Variants in OTX1 observed in about 807,000 individuals in gnomAD.
OTX1 encodes orthodenticle homeobox 1, also known as homeobox protein OTX1.
Under a neutral mutation model 26.7 loss-of-function variants are expected in OTX1, and 7 were observed. That is an observed-to-expected ratio of 0.26 (90% CI 0.15 to 0.49). The LOEUF (loss-of-function observed/expected upper bound fraction) is 0.49. Ranked by LOEUF, OTX1 falls within the 20% of genes least tolerant of loss-of-function variation. OTX1 has a pLI of 0.98. For synonymous variants in OTX1, 216 were observed against 212.8 expected (o/e 1.01, Z -0.13); for missense variants, 414 against 483.8 (o/e 0.86, Z 1.35).
In OTX1 at chr2:63,055,749, G is replaced by A. The variant is rs981819867; in HGVS notation, c.498G>A (p.Ser166=). Residue 166 remains serine, a synonymous_variant, in exon 5 of 5, where the codon TCG becomes TCA. Coordinates refer to ENST00000282549, the MANE Select transcript of OTX1 (RefSeq NM_014562.4). This position sits in a 1 kb window ranked among gnomAD's most constrained non-coding sequence, Gnocchi z 5.2. ...GTGGGAACCCGGTGGCGGCCGCGTC[G>A]TCGCTGAGTACACCAGCTGCCTCAT... The part of the protein sequence containing the change: ...GLGGNPVAAA[S]SLSTPAASSI... 6 of 1,612,196 alleles carry A rather than the reference G, an allele frequency of 3.7e-6. No homozygotes were observed. Among genetic ancestry groups the A allele is most frequent in the Non-Finnish European group, 5.1e-6 (6 of 1,179,592 alleles).
chr2:63,057,783 C>T lies in OTX1; in HGVS notation c.*1467C>T, dbSNP rs1245392744. On this transcript the variant is annotated 3_prime_UTR_variant, in exon 5 of 5. Transcript: ENST00000282549. ...TGTTGAAATGTAAGGCAGTCCCCCT[C>T]CTCCTCTTTATCTACATTACTTCCC... 1.3e-5 allele frequency: 2 copies of T among 151,716 alleles called. No homozygotes were observed. The highest frequency in any genetic ancestry group is 2.4e-5 in the African/African-American group (1 of 41,374). 9.4% of individuals were successfully genotyped at this position (151,716 alleles called of 1,614,324 possible).
rs1016274282 is a variant in OTX1, at chr2:63,055,225, C to T, written c.250-276C>T. ...TCTGACTGGGCAGACTGAAATATTC[C>T]GCCCTAGGGCAGAGTTGCGGTAGGG... On this transcript the variant is annotated intron_variant, in intron 4 of 4. Transcript: ENST00000282549. The surrounding 1 kb of genome is among the most constrained non-coding windows in gnomAD (Gnocchi z 5.2). Among the ~76,000 whole-genome samples, 5 of 152,190 alleles carry T rather than the reference C, an allele frequency of 3.3e-5. No homozygotes were observed. Among genetic ancestry groups the T allele is most frequent in the Non-Finnish European group, 4.4e-5 (3 of 68,044 alleles).
rs543791299 is a variant in OTX1 at position 63,055,848 on chromosome 2, G to A, written c.597G>A (p.Ala199=). ...ASVSVPEPLA[A]PSNTSCMQRS... is the part of the protein sequence containing the mutation. ...TGTCGGTGCCGGAGCCATTGGCCGC[G>A]CCTAGCAACACCTCGTGTATGCAGC... The change falls in exon 5 of 5, where the codon GCG becomes GCA. Residue 199 remains alanine (A), a synonymous_variant. Transcript: ENST00000282549. The surrounding 1 kb of genome is among the most constrained non-coding windows in gnomAD (Gnocchi z 5.2). 3.1e-6 allele frequency: 5 copies of A among 1,612,144 alleles called. No homozygotes were observed. The African/African-American group carries it at 5.3e-5, about 17-fold the overall frequency.
At position 63,052,893 on chromosome 2, in the gene OTX1, A is replaced by T. The variant is rs536280280; in HGVS notation, c.-98A>T. ...GTGTCTTCATAGGCCAGGCCCCCAG[A>T]CGCATCAGACCCTGAAGGACTGCGT... On this transcript the variant is annotated 5_prime_UTR_variant, in exon 3 of 5. Coordinates refer to ENST00000282549, the MANE Select transcript of OTX1 (RefSeq NM_014562.4). 5.2e-5 allele frequency: 38 copies of T among 733,686 alleles called. No homozygotes were observed. Among genetic ancestry groups the T allele is most frequent in the Non-Finnish European group, 8.3e-5 (36 of 431,422 alleles). The allele number at this position is 733,686 out of a possible 1,614,324, so 45.4% of individuals were successfully genotyped here.
upstream of OTX1, chr2:63,050,731 C>T (rs934726527): frequency 1.3e-5 from 2 of 152,204 alleles, no homozygotes; most frequent in Non-Finnish European, 2.9e-5. Flanking sequence ...CATTGCCCGG[C>T]TCCCTGTCAC....
intron 4 of OTX1, among the ~76,000 whole-genome samples, chr2:63,054,430 C>G (rs1187416081): frequency 6.6e-6 from 1 of 152,246 alleles, no homozygotes; most frequent in Non-Finnish European, 1.5e-5. Flanking sequence ...AGGGCGCCTT[C>G]GGTGTCGGTA....
intron 3 of OTX1, 141 bp from the exon 4 acceptor site, chr2:63,053,906 C>T (rs1205585045): frequency 5.1e-6 from 5 of 988,678 alleles, no homozygotes; most frequent in Non-Finnish European, 5.8e-6. Context: ...GGCTCGGCCG[C>T]CCGAGGGAGT....
upstream of OTX1, among the ~76,000 whole-genome samples, chr2:63,049,810 G>C (rs923687297): frequency 6.6e-6 from 1 of 152,244 alleles, no homozygotes; most frequent in Non-Finnish European, 1.5e-5. The surrounding 1 kb of genome is among the most constrained non-coding windows in gnomAD (Gnocchi z 4.8). Flanking sequence ...CACCCAGGTA[G>C]ACGTGTTTGG....
chr2:63,055,610 G>T lies in OTX1; in HGVS notation c.359G>T (p.Gly120Val). 6.2e-7 allele frequency: 1 copy of T among 1,614,176 alleles called. No individual in the cohort carries two copies. Among genetic ancestry groups the T allele is most frequent in the Non-Finnish European group, 8.5e-7 (1 of 1,180,036 alleles). ...KKSSPVRESS[G>V]SESSGQFTPP... is the part of the protein sequence containing the mutation. ...TCCTCTCCAGTGCGGGAGAGCTCGG[G>T]CTCCGAAAGCAGTGGCCAATTCACG... The change falls in exon 5 of 5, where the codon GGC (glycine) becomes GTC (valine). Residue 120 changes from glycine (G) to valine (V), a missense_variant. Gly to Val is a moderately radical substitution (Grantham distance 109). Transcript: ENST00000282549. The surrounding 1 kb of genome is among the most constrained non-coding windows in gnomAD (Gnocchi z 5.2).
chr2:63,054,979 A>T (rs902526887), intron 4 of OTX1, among the ~76,000 whole-genome samples: 1 of 151,602 alleles, frequency 6.6e-6, no homozygotes, highest in Admixed American at 6.6e-5. Flanking sequence ...CCTTGCTCCT[A>T]CCCCCACCCA....
At position 63,054,008 on chromosome 2, in the gene OTX1, GCCA is replaced by G. The variant is rs747601843; in HGVS notation, c.98-35_98-33del. ...GAGTCCTCTATCGCGGGTCCACGTG[GCCA>G]CCAATGACCCGCGGCGCCCCCGCGT... On this transcript the variant is annotated intron_variant, in intron 3 of 4. Coordinates refer to ENST00000282549, the MANE Select transcript of OTX1 (RefSeq NM_014562.4). The G allele has an allele frequency of 2.5e-6, 4 of 1,600,196 alleles. No individual in the cohort carries two copies. The South Asian group carries it at 3.4e-5, about 13-fold the overall frequency.
rs1284646583 is a variant in OTX1, at chr2:63,055,800, G to A, written c.549G>A (p.Ser183=). The A allele has an allele frequency of 1.9e-6, 3 of 1,611,990 alleles. No homozygotes were observed. The Admixed American group carries it at 5.0e-5, about 27-fold the overall frequency. The change falls in exon 5 of 5, where the codon TCG becomes TCA. Residue 183 remains serine, a synonymous_variant. Coordinates refer to ENST00000282549, the MANE Select transcript of OTX1 (RefSeq NM_014562.4). The surrounding 1 kb of genome is among the most constrained non-coding windows in gnomAD (Gnocchi z 5.2). ...ASSIWSPASI[S]PGSAPASVSV... Reference sequence around the variant, plus strand: ...CTATCTGGAGCCCGGCCTCCATCTCGCCAGGCTCAGCGCCCGCGTCCGTGT... The same window carrying A: ...CTATCTGGAGCCCGGCCTCCATCTCACCAGGCTCAGCGCCCGCGTCCGTGT...
At position 63,056,363 on chromosome 2, in the gene OTX1, G is replaced by A; in HGVS notation, c.*47G>A. The A allele has an allele frequency of 1.3e-6, 2 of 1,515,526 alleles. No homozygotes were observed. Among genetic ancestry groups the A allele is most frequent in the East Asian group, 4.5e-5 (2 of 44,232 alleles). The allele number at this position is 1,515,526 out of a possible 1,614,324, so 93.9% of individuals were successfully genotyped here. A position where few individuals can be genotyped will look rare whatever the true frequency, so the allele number is the denominator to read the frequency against. ...AGAAACGCAACTACCTGCGCCCTCC[G>A]TGGTCCCGATCCTGTTGCTGCTGCT... On this transcript the variant is annotated 3_prime_UTR_variant, in exon 5 of 5. Coordinates refer to ENST00000282549, the MANE Select transcript of OTX1 (RefSeq NM_014562.4).
chr2:63,053,735 C>CGTGT (rs139441993), intron 3 of OTX1, among the ~76,000 whole-genome samples: 1 of 151,738 alleles, frequency 6.6e-6, no homozygotes, highest in Non-Finnish European at 1.5e-5. Context: ...TGTGCGTGTG[C>CGTGT]GTGTGTGTGT....
upstream of OTX1, chr2:63,050,764 T>C (rs2062019663): frequency 6.6e-6 from 1 of 152,158 alleles, no homozygotes; most frequent in African/African-American, 2.4e-5. Flanking sequence ...GGGCCCCCGA[T>C]TGGCGGCCTA....
In OTX1 at chr2:63,055,843, G is replaced by C; in HGVS notation, c.592G>C (p.Ala198Pro). The change falls in exon 5 of 5, where the codon GCC becomes CCC. Residue 198 changes from alanine to proline, a missense_variant. This residue lies in a region of OTX1 where 320 missense variants were observed against 347.9 expected (regional missense o/e 0.92). Coordinates refer to ENST00000282549, the MANE Select transcript of OTX1 (RefSeq NM_014562.4). This position sits in a 1 kb window ranked among gnomAD's most constrained non-coding sequence, Gnocchi z 5.2. Reference protein sequence around the residue: ...PASVSVPEPLAAPSNTSCMQR... With the variant: ...PASVSVPEPLPAPSNTSCMQR... Reference sequence around the variant, plus strand: ...GTCCGTGTCGGTGCCGGAGCCATTGGCCGCGCCTAGCAACACCTCGTGTAT... The same window carrying C: ...GTCCGTGTCGGTGCCGGAGCCATTGCCCGCGCCTAGCAACACCTCGTGTAT... 6.2e-7 allele frequency: 1 copy of C among 1,612,062 alleles called. No individual in the cohort carries two copies. The highest frequency in any genetic ancestry group is 1.1e-5 in the South Asian group (1 of 91,030).
intron 4 of OTX1, 68 bp downstream of exon 4, chr2:63,054,266 G>A (rs959100125): frequency 3.4e-5 from 50 of 1,464,542 alleles, no homozygotes; most frequent in Admixed American, 2.5e-4. Flanking sequence ...GTCTAGGAAG[G>A]CTCTTGAGTA....
chr2:63,054,283 G>A, intron 4 of OTX1, 85 bp downstream of exon 4: 1 of 1,347,724 alleles, frequency 7.4e-7, no homozygotes, highest in Middle Eastern at 2.7e-4. Context: ...AGTAGTTCTT[G>A]AGGAGACCAT....
chr2:63,056,742 G>T lies in OTX1; in HGVS notation c.*426G>T. The T allele has an allele frequency of 5.6e-6, 1 of 178,324 alleles. No homozygotes were observed. The highest frequency in any genetic ancestry group is 1.2e-5 in the Non-Finnish European group (1 of 82,714). 11.0% of individuals were successfully genotyped at this position (178,324 alleles called of 1,614,324 possible). A position where few individuals can be genotyped will look rare whatever the true frequency, so the allele number is the denominator to read the frequency against. On this transcript the variant is annotated 3_prime_UTR_variant, in exon 5 of 5. Transcript: ENST00000282549. ...GGACACTGGAGTCACTAACTGGCGT[G>T]TTTCTGCCCATTGGAGCACCCGCAC...
Sources: allele counts gnomAD v4.1 joint callset (sites outside exome capture counted in the v4.1 genomes callset), GRCh38; gene constraint gnomAD v4.1.1; regional missense constraint gnomAD v4.1.1; non-coding constraint Gnocchi (gnomAD v3.1); transcripts MANE v1.5; gene names NCBI Gene and HGNC (gene_info 2026-07-23, HGNC 2026-07-21).